The following ZBTB39 variants were observed in gnomAD, a reference collection of about 807,000 sequenced individuals.
ZBTB39 encodes zinc finger and BTB domain containing 39, also known as zinc finger and BTB domain-containing protein 39.
ZBTB39 carries 25 observed loss-of-function variants against 39.4 expected under a neutral mutation model. The observed-to-expected ratio is 0.63, with a 90% CI of 0.46 to 0.89. The LOEUF is 0.89. ZBTB39 is among the 40% of genes least tolerant of loss of function. The probability of loss-of-function intolerance (pLI) is 0.00; values close to 1 mark genes in which losing one functional copy is unlikely to be tolerated. For missense variants in ZBTB39, 891 were observed against 909.7 expected (o/e 0.98, Z 0.26); for synonymous variants, 373 against 359.6 (o/e 1.04, Z -0.42).
In ZBTB39 at chr12:57,003,544, T is replaced by C. The variant is rs1250143991; in HGVS notation, c.1374A>G (p.Lys458=). 2.5e-6 allele frequency: 4 copies of C among 1,614,022 alleles called. No homozygotes were observed. The highest frequency in any genetic ancestry group is 2.7e-5 in the African/African-American group (2 of 74,938). ...SPELKCAACG[K]VLAKDFHVVR... is the part of the protein sequence containing the mutation. ...CCACATGGAAATCTTTGGCCAATAC[T>C]TTCCCACAGGCAGCGCATTTCAGCT... Residue 458 remains lysine (K), a synonymous_variant, in exon 2 of 2, where the codon AAA becomes AAG. Transcript: ENST00000300101. The surrounding 1 kb of genome is among the most constrained non-coding windows in gnomAD (Gnocchi z 4.8).
rs1956222158 is a variant in ZBTB39, at chr12:57,003,335, G to A, written c.1583C>T (p.Ala528Val). ...GGCGTCTTCCAGACTTTGGTGCACA[G>A]CCATGTGCTTCTCTAGAAGATGCCA... The part of the protein sequence containing the change: ...VDWHLLEKHM[A>V]VHQSLEDALF... Residue 528 changes from alanine (A) to valine (V), a missense_variant, in exon 2 of 2, where the codon GCT (alanine) becomes GTT (valine). Ala to Val is a moderately conservative substitution (Grantham distance 64, BLOSUM62 0). Transcript: ENST00000300101. This position sits in a 1 kb window ranked among gnomAD's most constrained non-coding sequence, Gnocchi z 4.8. The A allele has an allele frequency of 1.2e-6, 2 of 1,613,898 alleles. No homozygotes were observed. The highest frequency in any genetic ancestry group is 1.7e-5 in the Admixed American group (1 of 59,990).
In ZBTB39 at chr12:57,000,150, G is replaced by C. The variant is rs1326385847; in HGVS notation, c.*2629C>G. On this transcript the variant is annotated 3_prime_UTR_variant, in exon 2 of 2. Transcript: ENST00000300101. ...AGAGGAAGCAGACATGACTTTGGTG[G>C]GGTGGGGGGAAACGGGAAGTTCAGG... The C allele has an allele frequency of 6.6e-6, 1 of 152,596 alleles. No homozygotes were observed. Among genetic ancestry groups the C allele is most frequent in the African/African-American group, 2.4e-5 (1 of 41,402 alleles). 9.5% of individuals were successfully genotyped at this position (152,596 alleles called of 1,614,324 possible). A position where few individuals can be genotyped will look rare whatever the true frequency, so the allele number is the denominator to read the frequency against.
Position 57,003,382 on chromosome 12 carries a change from GACAGA to G in ZBTB39, c.1531_1535del (p.Ser511LeufsTer55). ...GCCAGTCCACAAAGCTGTTCGCACA[GACAGA>G]ACAGGAGAAGACTGAGATGCCGAGA... On this transcript the variant is annotated frameshift_variant, in exon 2 of 2. Coordinates refer to ENST00000300101, the MANE Select transcript of ZBTB39 (RefSeq NM_014830.3). LOFTEE classifies it high-confidence loss of function. This position sits in a 1 kb window ranked among gnomAD's most constrained non-coding sequence, Gnocchi z 4.8. 6.2e-7 allele frequency: 1 copy of G among 1,614,182 alleles called. No individual in the cohort carries two copies. Among genetic ancestry groups the G allele is most frequent in the Non-Finnish European group, 8.5e-7 (1 of 1,180,002 alleles).
rs780382290 is a variant in ZBTB39 at position 57,003,592 on chromosome 12, G to A, written c.1326C>T (p.Leu442=). 2.5e-6 allele frequency: 4 copies of A among 1,614,102 alleles called. No homozygotes were observed. The highest frequency in any genetic ancestry group is 3.4e-6 in the Non-Finnish European group (4 of 1,179,938). The part of the protein sequence containing the change: ...PNDPLPGKLG[L]FSGAASPELK... ...GCTCTGGGGAGGCTGCCCCTGAAAA[G>A]AGACCCAGCTTCCCTGGCAGGGGAT... The change falls in exon 2 of 2, where the codon CTC becomes CTT. Residue 442 remains leucine, a synonymous_variant. Coordinates refer to ENST00000300101, the MANE Select transcript of ZBTB39 (RefSeq NM_014830.3). The surrounding 1 kb of genome is among the most constrained non-coding windows in gnomAD (Gnocchi z 4.8).
At position 57,003,188 on chromosome 12, in the gene ZBTB39, G is replaced by A. The variant is rs758066580; in HGVS notation, c.1730C>T (p.Pro577Leu). 6.2e-7 allele frequency: 1 copy of A among 1,614,102 alleles called. No homozygotes were observed. Among genetic ancestry groups the A allele is most frequent in the East Asian group, 2.2e-5 (1 of 44,888 alleles). ...DARPGFGLQHPALQKRKLPAE... is the reference protein window; with the variant it reads ...DARPGFGLQHLALQKRKLPAE... ...TGGCAGCTTCCGCTTCTGGAGAGCT[G>A]GGTGCTGCAGCCCAAAACCAGGCCG... The change falls in exon 2 of 2, where the codon CCA becomes CTA. Residue 577 changes from proline (P) to leucine (L), a missense_variant. Pro to Leu is a moderately conservative substitution (Grantham distance 98, BLOSUM62 -3). Transcript: ENST00000300101. The surrounding 1 kb of genome is among the most constrained non-coding windows in gnomAD (Gnocchi z 4.8).
chr12:57,005,562 T>C (rs945828049), intron 1 of ZBTB39, among the ~76,000 whole-genome samples: 3 of 152,188 alleles, frequency 2.0e-5, no homozygotes, highest in Non-Finnish European at 4.4e-5. Context: ...CCTCCAGATA[T>C]TGCTTTATCA....
At position 57,004,354 on chromosome 12, in the gene ZBTB39, A is replaced by G. The variant is rs747471423; in HGVS notation, c.564T>C (p.Asn188=). The G allele has an allele frequency of 3.1e-6, 5 of 1,614,162 alleles. No individual in the cohort carries two copies. Among genetic ancestry groups the G allele is most frequent in the Non-Finnish European group, 4.2e-6 (5 of 1,180,032 alleles). The change falls in exon 2 of 2, where the codon AAT becomes AAC. Residue 188 remains asparagine, a synonymous_variant. Transcript: ENST00000300101. ...GGCTATGGTTAGCGTCACTGGCAAC[A>G]TTCTTCTCTTCCTCTTTATAGCTCC... The part of the protein sequence containing the change: ...AGGSYKEEEK[N]VASDANHSLH...
chr12:57,003,206 C>G lies in ZBTB39; in HGVS notation c.1712G>C (p.Gly571Ala). ...KCNSGLDARP[G>A]FGLQHPALQK... ...GAGAGCTGGGTGCTGCAGCCCAAAA[C>G]CAGGCCGTGCATCAAGGCCACTGTT... is the stretch of plus-strand genomic sequence containing the variant. Residue 571 changes from glycine to alanine, a missense_variant, in exon 2 of 2, where the codon GGT (glycine) becomes GCT (alanine). Coordinates refer to ENST00000300101, the MANE Select transcript of ZBTB39 (RefSeq NM_014830.3). This position sits in a 1 kb window ranked among gnomAD's most constrained non-coding sequence, Gnocchi z 4.8. The G allele has an allele frequency of 6.2e-7, 1 of 1,614,154 alleles. No individual in the cohort carries two copies. The highest frequency in any genetic ancestry group is 1.1e-5 in the South Asian group (1 of 91,084).
chr12:57,003,010 C>T lies in ZBTB39; in HGVS notation c.1908G>A (p.Lys636=). The T allele has an allele frequency of 2.5e-6, 4 of 1,614,206 alleles. No homozygotes were observed. The highest frequency in any genetic ancestry group is 3.4e-6 in the Non-Finnish European group (4 of 1,180,042). Residue 636 remains lysine (K), a synonymous_variant, in exon 2 of 2, where the codon AAG becomes AAA. Coordinates refer to ENST00000300101, the MANE Select transcript of ZBTB39 (RefSeq NM_014830.3). The surrounding 1 kb of genome is among the most constrained non-coding windows in gnomAD (Gnocchi z 4.8). ...IHTGEKPYQC[K]VCHKFFRGRS... ...GGCCTCGAAAGAACTTGTGGCACAC[C>T]TTACATTGGTATGGCTTCTCCCCCG...
At position 57,004,368 on chromosome 12, in the gene ZBTB39, C is replaced by T. The variant is rs1281143618; in HGVS notation, c.550G>A (p.Glu184Lys). Residue 184 changes from glutamate (E) to lysine (K), a missense_variant, in exon 2 of 2, where the codon GAG becomes AAG. Transcript: ENST00000300101. ...TCACTGGCAACATTCTTCTCTTCCT[C>T]TTTATAGCTCCCTCCAGCATCACTG... ...LPSDAGGSYK[E>K]EEKNVASDAN... 4 of 1,614,198 alleles carry T rather than the reference C, an allele frequency of 2.5e-6. No homozygotes were observed. In the East Asian group the frequency reaches 8.9e-5, roughly 36 times the overall value.
chr12:56,999,051 T>A lies in ZBTB39; in HGVS notation c.*3728A>T, dbSNP rs894304603. 2.6e-5 allele frequency: 4 copies of A among 152,630 alleles called. No individual in the cohort carries two copies. The highest frequency in any genetic ancestry group is 9.7e-5 in the African/African-American group (4 of 41,440). The allele number at this position is 152,630 out of a possible 1,614,324, so 9.5% of individuals were successfully genotyped here. ...GGAAGGAGTTAGACGTCAACAACTC[T>A]TCTCTGTTTCATAAGAGACTTTAGC... On this transcript the variant is annotated 3_prime_UTR_variant, in exon 2 of 2. Transcript: ENST00000300101.
Position 57,002,672 on chromosome 12 carries a change from C to T in ZBTB39, c.*107G>A, listed in dbSNP as rs1007342707. The T allele has an allele frequency of 1.7e-5, 19 of 1,101,454 alleles. No homozygotes were observed. The African/African-American group carries it at 2.4e-4, about 14-fold the overall frequency. The allele number at this position is 1,101,454 out of a possible 1,614,324, so 68.2% of individuals were successfully genotyped here. ...TTTAAACACAACACAGAACAGAATTCCTACCAAGGCAAAATTATAACTTCA... is the reference window on the plus strand; with the variant it reads ...TTTAAACACAACACAGAACAGAATTTCTACCAAGGCAAAATTATAACTTCA... On this transcript the variant is annotated 3_prime_UTR_variant, in exon 2 of 2. Coordinates refer to ENST00000300101, the MANE Select transcript of ZBTB39 (RefSeq NM_014830.3).
In ZBTB39 at chr12:57,002,512, G is replaced by C. The variant is rs1194817842; in HGVS notation, c.*267C>G. The C allele has an allele frequency of 4.2e-6, 2 of 481,594 alleles. No individual in the cohort carries two copies. Among genetic ancestry groups the C allele is most frequent in the African/African-American group, 1.9e-5 (1 of 51,882 alleles). 29.8% of individuals were successfully genotyped at this position (481,594 alleles called of 1,614,324 possible). On this transcript the variant is annotated 3_prime_UTR_variant, in exon 2 of 2. Transcript: ENST00000300101. ...CTAGTGGACACCAACTGCTTGACTA[G>C]ATCCCAAAACCAGCCTCAAAAGAAT... is the stretch of plus-strand genomic sequence containing the variant.
Position 57,004,832 on chromosome 12 carries a change from A to T in ZBTB39, c.86T>A (p.Met29Lys). The T allele has an allele frequency of 6.2e-7, 1 of 1,614,108 alleles. No individual in the cohort carries two copies. Among genetic ancestry groups the T allele is most frequent in the Non-Finnish European group, 8.5e-7 (1 of 1,179,970 alleles). Residue 29 changes from methionine to lysine, a missense_variant, in exon 2 of 2, where the codon ATG becomes AAG. Coordinates refer to ENST00000300101, the MANE Select transcript of ZBTB39 (RefSeq NM_014830.3). ...CCCCACCACAATGGTGACGTCGCACATGGTCTCTGAGAGCCGGCACTTGTT... is the reference window on the plus strand; with the variant it reads ...CCCCACCACAATGGTGACGTCGCACTTGGTCTCTGAGAGCCGGCACTTGTT... Reference protein sequence around the residue: ...ELNKCRLSETMCDVTIVVGSR... With the variant: ...ELNKCRLSETKCDVTIVVGSR...
Position 57,003,562 on chromosome 12 carries a change from TTTCAGCTCTGGGGAGGC to T in ZBTB39, c.1339_1355del (p.Ala447MetfsTer21). On this transcript the variant is annotated frameshift_variant, in exon 2 of 2. Coordinates refer to ENST00000300101, the MANE Select transcript of ZBTB39 (RefSeq NM_014830.3). LOFTEE classifies it high-confidence loss of function. The surrounding 1 kb of genome is among the most constrained non-coding windows in gnomAD (Gnocchi z 4.8). ...CCAATACTTTCCCACAGGCAGCGCA[TTTCAGCTCTGGGGAGGC>T]TGCCCCTGAAAAGAGACCCAGCTTC... 6.2e-7 allele frequency: 1 copy of T among 1,614,136 alleles called. No homozygotes were observed. Among genetic ancestry groups the T allele is most frequent in the Non-Finnish European group, 8.5e-7 (1 of 1,179,970 alleles).
rs1054113540 is a variant in ZBTB39 at position 56,999,484 on chromosome 12, T to C, written c.*3295A>G. ...ACTCACAGATCAGAAAAGCAGAATA[T>C]AAAAAAAAACTTTTACCCATCTCCT... On this transcript the variant is annotated 3_prime_UTR_variant, in exon 2 of 2. Transcript: ENST00000300101. 2.6e-5 allele frequency: 4 copies of C among 151,574 alleles called. No individual in the cohort carries two copies. Among genetic ancestry groups the C allele is most frequent in the Admixed American group, 1.3e-4 (2 of 15,218 alleles). 9.4% of individuals were successfully genotyped at this position (151,574 alleles called of 1,614,324 possible).
At position 57,002,970 on chromosome 12, in the gene ZBTB39, A is replaced by C; in HGVS notation, c.1948T>G (p.Cys650Gly). The C allele has an allele frequency of 6.2e-7, 1 of 1,614,236 alleles. No homozygotes were observed. Among genetic ancestry groups the C allele is most frequent in the Non-Finnish European group, 8.5e-7 (1 of 1,180,042 alleles). ...GCCCCCGAGTGTGTCTTTAGGTGGC[A>C]CTTGATGGTCGAGCGGCCTCGAAAG... ...KFFRGRSTIK[C>G]HLKTHSGALM... The change falls in exon 2 of 2, where the codon TGC becomes GGC. Residue 650 changes from cysteine (C) to glycine (G), a missense_variant. Physicochemically the swap from Cys to Gly is radical, Grantham distance 159. Transcript: ENST00000300101.
chr12:57,005,071 T>A (rs962911339), intron 1 of ZBTB39, 110 bp from the exon 2 acceptor site: 1 of 754,330 alleles, frequency 1.3e-6, no homozygotes, highest in Non-Finnish European at 2.1e-6. Flanking sequence ...CAGGTAGGGA[T>A]CAGGAGTAAA....
chr12:57,002,623 G>T lies in ZBTB39; in HGVS notation c.*156C>A. On this transcript the variant is annotated 3_prime_UTR_variant, in exon 2 of 2. Coordinates refer to ENST00000300101, the MANE Select transcript of ZBTB39 (RefSeq NM_014830.3). Reference sequence around the variant, plus strand: ...CTTCTCAACAACAGTAACAGCTTATGTGCTATTTCTTCTTCTTTTCTTCTT... The same window carrying T: ...CTTCTCAACAACAGTAACAGCTTATTTGCTATTTCTTCTTCTTTTCTTCTT... 1.4e-6 allele frequency: 1 copy of T among 694,228 alleles called. No individual in the cohort carries two copies. Among genetic ancestry groups the T allele is most frequent in the Non-Finnish European group, 2.4e-6 (1 of 418,476 alleles). The allele number at this position is 694,228 out of a possible 1,614,324, so 43.0% of individuals were successfully genotyped here. A position where few individuals can be genotyped will look rare whatever the true frequency, so the allele number is the denominator to read the frequency against.
Sources: gnomAD v4.1 joint callset for allele counts (sites outside exome capture counted in the v4.1 genomes callset) on GRCh38, gnomAD v4.1.1 for gene constraint, Gnocchi (gnomAD v3.1) non-coding constraint, MANE v1.5 for transcripts, NCBI Gene and HGNC (gene_info 2026-07-23, HGNC 2026-07-21) for gene names.